Variants in EFCAB5 observed in about 807,000 individuals in gnomAD.
EFCAB5 encodes the protein EF-hand calcium binding domain 5.
A neutral mutation model predicts 167.9 loss-of-function variants in EFCAB5; 131 were observed. The observed-to-expected ratio is 0.78, with a 90% CI of 0.68 to 0.90. The LOEUF (loss-of-function observed/expected upper bound fraction) is 0.90. EFCAB5 is among the 40% of genes least tolerant of loss of function. The pLI is 0.00. For synonymous variants in EFCAB5, 574 were observed against 602.8 expected (o/e 0.95, Z 0.70); for missense variants, 1,663 against 1,745.2 (o/e 0.95, Z 0.84).
intron 3 of EFCAB5, among the ~76,000 whole-genome samples, chr17:29,953,200 T>G (rs2067547484): frequency 6.6e-6 from 1 of 151,970 alleles, no homozygotes; most frequent in East Asian, 1.9e-4. Context: ...GGATACAAAA[T>G]CAACGTACAA....
intron 7 of EFCAB5, among the ~76,000 whole-genome samples, chr17:30,026,210 A>G (rs1189413466): frequency 6.6e-6 from 1 of 151,960 alleles, no homozygotes; most frequent in Non-Finnish European, 1.5e-5. Context: ...AATAATCAGA[A>G]CACTTTGATC....
At chr17:30,063,564 C>T (rs1283457095) in intron 14 of EFCAB5, among the ~76,000 whole-genome samples, 1 of 152,158 alleles carries the variant, frequency 6.6e-6, no homozygotes, top group Admixed American at 6.5e-5. Context: ...GATCCTGTCT[C>T]TATGGGCAAC....
At chr17:30,102,402 T>C (rs1700574918) in intron 22 of EFCAB5, among the ~76,000 whole-genome samples, 1 of 152,092 alleles carries the variant, frequency 6.6e-6, no homozygotes, top group African/African-American at 2.4e-5. Flanking sequence ...GCAGGGTCTG[T>C]CTCTGTCACC....
chr17:29,931,274 AC>A (rs2067190296), intron 1 of EFCAB5, among the ~76,000 whole-genome samples: 1 of 151,810 alleles, frequency 6.6e-6, no homozygotes, highest in Non-Finnish European at 1.5e-5. Flanking sequence ...ATTAAAACCC[AC>A]CCCCTCCTGT....
At chr17:29,980,426 G>A (rs1369138084) in intron 4 of EFCAB5, among the ~76,000 whole-genome samples, 1 of 152,136 alleles carries the variant, frequency 6.6e-6, no homozygotes, top group Admixed American at 6.5e-5. Context: ...TCTGGCTTTT[G>A]TGCCAGGCTT....
At chr17:30,022,786 A>T (rs1467432744) in intron 7 of EFCAB5, among the ~76,000 whole-genome samples, 4 of 152,038 alleles carry the variant, frequency 2.6e-5, no homozygotes, top group Non-Finnish European at 4.4e-5. Flanking sequence ...TTAAATTATC[A>T]GAACACTAGC....
chr17:29,973,418 C>T (rs2067999180), intron 4 of EFCAB5, among the ~76,000 whole-genome samples: 1 of 151,680 alleles, frequency 6.6e-6, no homozygotes, highest in African/African-American at 2.4e-5. Flanking sequence ...TTAATATTGA[C>T]AGTTGCATAT....
chr17:30,016,339 C>A (rs1037602089), intron 7 of EFCAB5, among the ~76,000 whole-genome samples: 1 of 151,928 alleles, frequency 6.6e-6, no homozygotes, highest in African/African-American at 2.4e-5. Flanking sequence ...GTCATATATT[C>A]CTGTGTTTTC....
At chr17:30,049,883 G>A (rs1014247509) in intron 8 of EFCAB5, among the ~76,000 whole-genome samples, 5 of 152,070 alleles carry the variant, frequency 3.3e-5, no homozygotes, top group Non-Finnish European at 5.9e-5. Context: ...CTAGAGAAAC[G>A]TTTGCATATG....
At chr17:30,095,744 T>C (rs2071278213) in intron 22 of EFCAB5, among the ~76,000 whole-genome samples, 1 of 152,224 alleles carries the variant, frequency 6.6e-6, no homozygotes. Flanking sequence ...TTGAAATGGG[T>C]CAAGCCAAAA....
chr17:29,993,322 G>A lies in EFCAB5; in HGVS notation c.924+1G>A. ...TAAAGGAATGATTCCTAAGTCAGTG[G>A]TAAGAAAATTGGGGGTATATGTGAA... On this transcript the variant is annotated splice_donor_variant, in intron 5 of 22. Coordinates refer to ENST00000394835, the MANE Select transcript of EFCAB5 (RefSeq NM_198529.4). LOFTEE classifies it high-confidence loss of function. 6.2e-7 allele frequency: 1 copy of A among 1,609,552 alleles called. No individual in the cohort carries two copies. The highest frequency in any genetic ancestry group is 8.5e-7 in the Non-Finnish European group (1 of 1,177,628).
intron 6 of EFCAB5, among the ~76,000 whole-genome samples, chr17:29,997,952 C>T (rs2068582766): frequency 6.6e-6 from 1 of 151,526 alleles, no homozygotes; most frequent in African/African-American, 2.4e-5. Flanking sequence ...AAAAAAAAAC[C>T]TCACTTGTCC....
Position 29,993,218 on chromosome 17 carries a change from T to C in EFCAB5, c.821T>C (p.Ile274Thr). Residue 274 changes from isoleucine (I) to threonine (T), a missense_variant, in exon 5 of 23, where the codon ATA (isoleucine) becomes ACA (threonine). By Grantham distance (89) the Ile-to-Thr change is moderately conservative (BLOSUM62 -1). Coordinates refer to ENST00000394835, the MANE Select transcript of EFCAB5 (RefSeq NM_198529.4). The part of the protein sequence containing the change: ...VKQNRKQRES[I>T]DKIIVKVANT... ...CAGAATAGAAAACAAAGAGAAAGCA[T>C]AGACAAAATCATAGTCAAGGTGGCC... is the stretch of plus-strand genomic sequence containing the variant. 1.2e-6 allele frequency: 2 copies of C among 1,613,608 alleles called. No individual in the cohort carries two copies. The highest frequency in any genetic ancestry group is 1.1e-5 in the South Asian group (1 of 90,986).
intron 3 of EFCAB5, among the ~76,000 whole-genome samples, chr17:29,954,361 G>A (rs2067570116): frequency 1.3e-5 from 2 of 152,196 alleles, no homozygotes; most frequent in Admixed American, 1.3e-4. Context: ...CCCTTGCTGT[G>A]TGCAGCCTTG....
intron 7 of EFCAB5, among the ~76,000 whole-genome samples, chr17:30,015,626 G>GT (rs2069016711): frequency 6.6e-6 from 1 of 151,908 alleles, no homozygotes; most frequent in South Asian, 2.1e-4. Flanking sequence ...CTTATTCTCT[G>GT]TTTTGTTTTT....
At chr17:30,018,827 T>G (rs2069109066) in intron 7 of EFCAB5, among the ~76,000 whole-genome samples, 1 of 152,194 alleles carries the variant, frequency 6.6e-6, no homozygotes, top group African/African-American at 2.4e-5. Flanking sequence ...GGCGAGGAAC[T>G]TTTTTTGTTT....
chr17:30,051,003 GATA>G, intron 8 of EFCAB5, 112 bp from the exon 9 acceptor site: 1 of 755,804 alleles, frequency 1.3e-6, no homozygotes, highest in Non-Finnish European at 2.2e-6. Context: ...TTATTTACAT[GATA>G]ATGATTGTTG....
At chr17:29,939,322 T>A (rs941710732), upstream of EFCAB5, among the ~76,000 whole-genome samples, 2 of 152,200 alleles carry the variant, frequency 1.3e-5, no homozygotes, top group African/African-American at 4.8e-5. Flanking sequence ...ATTTATAGAG[T>A]ACAGGCAGAA....
intron 7 of EFCAB5, among the ~76,000 whole-genome samples, chr17:30,017,852 AT>A (rs2069083850): frequency 6.6e-6 from 1 of 152,048 alleles, no homozygotes; most frequent in South Asian, 2.1e-4. Flanking sequence ...CTTTTCTGTA[AT>A]TACAATTGCC....
Sources: gnomAD v4.1 joint callset for allele counts (sites outside exome capture counted in the v4.1 genomes callset) on GRCh38, gnomAD v4.1.1 for gene constraint, MANE v1.5 for transcripts, NCBI Gene and HGNC (gene_info 2026-07-23, HGNC 2026-07-21) for gene names.